CENPP: variants seen among roughly 807,000 people sequenced by gnomAD.
The protein encoded by CENPP is centromere protein P.
CENPP carries 24 observed loss-of-function variants against 35.6 expected under a neutral mutation model. The observed-to-expected ratio is 0.67, with a 90% CI of 0.49 to 0.95. The LOEUF (loss-of-function observed/expected upper bound fraction) is 0.95, where lower values mean the gene tolerates loss of function less well. CENPP is among the 40% of genes least tolerant of loss of function. CENPP has a pLI of 0.00. For missense variants in CENPP, 332 were observed against 345.3 expected (o/e 0.96, Z 0.31); for synonymous variants, 120 against 125.5 (o/e 0.96, Z 0.29).
intron 5 of CENPP, among the ~76,000 whole-genome samples, chr9:92,426,326 C>G (rs1224451943): frequency 6.6e-6 from 1 of 152,116 alleles, no homozygotes; most frequent in Non-Finnish European, 1.5e-5. Context: ...TATCTCAAAG[C>G]TGAGTGACAC....
At chr9:92,389,809 A>G (rs747604132) in intron 5 of CENPP, 27 of 1,281,880 alleles carry the variant, frequency 2.1e-5, no homozygotes, top group Non-Finnish European at 2.8e-5. Context: ...TTTATCTATC[A>G]TATCATCACT....
In CENPP at chr9:92,611,347, G is replaced by A; in HGVS notation, c.598G>A (p.Gly200Arg). ...KYPDAVYLSE[G>R]PSSCSMGIRS... is the part of the protein sequence containing the mutation. ...CCCAGATGCCGTGTACCTCTCGGAG[G>A]GGCCCTCCTCCTGCTCCATGGGGAT... Residue 200 changes from glycine (G) to arginine (R), a missense_variant, in exon 6 of 8, where the codon GGG becomes AGG. Gly to Arg is a moderately radical substitution (Grantham distance 125). Coordinates refer to ENST00000375587, the MANE Select transcript of CENPP (RefSeq NM_001012267.3). The A allele has an allele frequency of 6.2e-7, 1 of 1,613,702 alleles. No individual in the cohort carries two copies. The highest frequency in any genetic ancestry group is 8.5e-7 in the Non-Finnish European group (1 of 1,180,000).
chr9:92,470,592 C>A, intron 5 of CENPP: 1 of 739,900 alleles, frequency 1.4e-6, no homozygotes. Flanking sequence ...TTTATACTAA[C>A]ATAGTATAAT....
rs573180187 is a variant in CENPP, at chr9:92,476,241, C to T, written c.564+96382C>T. 3.9e-5 allele frequency among the ~76,000 whole-genome samples: 6 copies of T among 152,258 alleles called. No homozygotes were observed. The highest frequency in any genetic ancestry group is 2.0e-4 in the Admixed American group (3 of 15,290). ...CTATAGTCAGCCAGGATTGGCCCAGCCTCGGGAAGACCTACCCCTCCAAAT... is the reference window on the plus strand; with the variant it reads ...CTATAGTCAGCCAGGATTGGCCCAGTCTCGGGAAGACCTACCCCTCCAAAT... On this transcript the variant is annotated intron_variant, in intron 5 of 7. Transcript: ENST00000375587. This position sits in a 1 kb window ranked among gnomAD's most constrained non-coding sequence, Gnocchi z 4.1.
At chr9:92,343,688 A>G (rs1439118548) in intron 3 of CENPP, among the ~76,000 whole-genome samples, 1 of 152,218 alleles carries the variant, frequency 6.6e-6, no homozygotes, top group Non-Finnish European at 1.5e-5. Context: ...GCTCACGCCT[A>G]TAATCTCAGC....
intron 5 of CENPP, among the ~76,000 whole-genome samples, chr9:92,434,118 C>T (rs762330808): frequency 2.9e-4 from 44 of 151,902 alleles, no homozygotes; most frequent in South Asian, 8.3e-4. Context: ...AGACTGGGCG[C>T]GGTGGCTCAC....
intron 5 of CENPP, chr9:92,414,134 C>T (rs1022947522): frequency 1.2e-5 from 2 of 167,970 alleles, no homozygotes; most frequent in African/African-American, 4.8e-5. Context: ...AATACATTAA[C>T]GAAAAAGTGA....
intron 5 of CENPP, among the ~76,000 whole-genome samples, chr9:92,572,043 A>G (rs917921919): frequency 2.6e-5 from 4 of 151,620 alleles, no homozygotes; most frequent in South Asian, 2.1e-4. Flanking sequence ...TCTTTATCCA[A>G]TTTGCCAGTC....
intron 5 of CENPP, chr9:92,386,147 A>C: frequency 6.6e-6 from 9 of 1,367,712 alleles, no homozygotes; most frequent in Non-Finnish European, 2.1e-6. Flanking sequence ...ATGAGTCACA[A>C]GATTTTGACT....
intron 5 of CENPP, among the ~76,000 whole-genome samples, chr9:92,512,380 T>G (rs568094846): frequency 1.3e-5 from 2 of 152,362 alleles, no homozygotes; most frequent in South Asian, 4.1e-4. Context: ...ATGGTTTAGA[T>G]GAAGGTGCTT....
At chr9:92,522,751 C>T (rs1487881257) in intron 5 of CENPP, 6 of 1,614,094 alleles carry the variant, frequency 3.7e-6, no homozygotes, top group Non-Finnish European at 5.1e-6. Flanking sequence ...TGAACTTTTC[C>T]TCAACCTTCT....
intron 1 of CENPP, among the ~76,000 whole-genome samples, chr9:92,326,363 A>T (rs1840504562): frequency 6.6e-6 from 1 of 152,180 alleles, no homozygotes; most frequent in Non-Finnish European, 1.5e-5. Flanking sequence ...TCTTGACTAT[A>T]TCCCTAGCTA....
intron 5 of CENPP, among the ~76,000 whole-genome samples, chr9:92,535,117 A>G (rs1014183322): frequency 7.7e-6 from 1 of 130,588 alleles, no homozygotes; most frequent in Non-Finnish European, 1.7e-5. Flanking sequence ...AAATTGACTC[A>G]CTTTTACTTA....
intron 5 of CENPP, among the ~76,000 whole-genome samples, chr9:92,573,616 C>G (rs1254081522): frequency 1.3e-5 from 2 of 152,228 alleles, no homozygotes; most frequent in African/African-American, 4.8e-5. Flanking sequence ...AACCACTGCT[C>G]TCTTCAAAGC....
intron 5 of CENPP, among the ~76,000 whole-genome samples, chr9:92,534,914 G>A (rs1386150099): frequency 6.6e-6 from 1 of 152,118 alleles, no homozygotes; most frequent in Non-Finnish European, 1.5e-5. Flanking sequence ...TAGACCTCGA[G>A]GCTCTAGAGT....
intron 4 of CENPP, among the ~76,000 whole-genome samples, chr9:92,377,067 C>T (rs1588072119): frequency 3.3e-5 from 5 of 151,888 alleles, no homozygotes; most frequent in Admixed American, 3.3e-4. Context: ...GAAGATGGAG[C>T]CTCCATGTTT....
At chr9:92,509,273 A>G (rs1211733960) in intron 5 of CENPP, among the ~76,000 whole-genome samples, 1 of 152,162 alleles carries the variant, frequency 6.6e-6, no homozygotes, top group Non-Finnish European at 1.5e-5. Flanking sequence ...AAGCCCTCTC[A>G]GGCAGAAAAT....
intron 5 of CENPP, among the ~76,000 whole-genome samples, chr9:92,578,742 C>T (rs932950036): frequency 2.0e-5 from 3 of 151,780 alleles, no homozygotes; most frequent in African/African-American, 4.8e-5. Flanking sequence ...TTCTCCCATT[C>T]TGTAGGTTGC....
intron 6 of CENPP, 76 bp downstream of exon 6, chr9:92,611,469 G>A (rs1467178636): frequency 5.2e-6 from 6 of 1,157,020 alleles, no homozygotes; most frequent in Non-Finnish European, 6.2e-6. Context: ...ACCTAAGTAG[G>A]ATTCTAAGTA....
Sources: allele counts gnomAD v4.1 joint callset (sites outside exome capture counted in the v4.1 genomes callset), GRCh38; gene constraint gnomAD v4.1.1; non-coding constraint Gnocchi (gnomAD v3.1); transcripts MANE v1.5; gene names NCBI Gene and HGNC (gene_info 2026-07-23, HGNC 2026-07-21).